Variants in NEXMIF observed in about 807,000 individuals in gnomAD.
The protein encoded by NEXMIF is neurite extension and migration factor.
NEXMIF carries 8 observed loss-of-function variants against 62.1 expected under a neutral mutation model. The ratio of observed to expected loss-of-function variants is 0.13; its 90% CI spans 0.08 to 0.23. The LOEUF is 0.23. NEXMIF is among the 10% of genes least tolerant of loss of function. The pLI is 1.00. For synonymous variants in NEXMIF, 404 were observed against 416.6 expected, an observed-to-expected ratio of 0.97 and a Z score of 0.37; for missense variants, 976 against 1,113.3, an observed-to-expected ratio of 0.88 and a Z score of 1.75.
chrX:74,922,733 G>A lies in NEXMIF; in HGVS notation c.-48+2150C>T, dbSNP rs1216587731. On this transcript the variant is annotated intron_variant, in intron 1 of 3. Coordinates refer to ENST00000055682, the MANE Select transcript of NEXMIF (RefSeq NM_001008537.3). ...GGAAAACTTTAAATATATGTACAAT[G>A]TATTTTTATGTCATGGTATTTTACA... Among the ~76,000 whole-genome samples, 3 of 111,129 alleles carry A rather than the reference G, an allele frequency of 2.7e-5. No homozygotes were observed. In the East Asian group the frequency reaches 8.5e-4, roughly 31 times the overall value.
At chrX:74,907,657 T>TGGACTTAG (rs2080773899) in intron 1 of NEXMIF, among the ~76,000 whole-genome samples, 1 of 111,299 alleles carries the variant, frequency 9.0e-6, no homozygotes, top group Non-Finnish European at 1.9e-5. Context: ...CCTAAGTCCA[T>TGGACTTAG]GAAGATGTTT....
intron 1 of NEXMIF, among the ~76,000 whole-genome samples, chrX:74,810,923 G>T (rs1297532940): frequency 1.8e-5 from 2 of 111,553 alleles, no homozygotes; most frequent in South Asian, 7.5e-4. Flanking sequence ...GAGGTCCAAG[G>T]ATTACTCATA....
chrX:74,795,468 G>T (rs2080303500), intron 1 of NEXMIF, among the ~76,000 whole-genome samples: 2 of 111,834 alleles, frequency 1.8e-5, no homozygotes, highest in African/African-American at 6.5e-5. Flanking sequence ...CCATTCATAT[G>T]ACACTCTGGA....
intron 1 of NEXMIF, among the ~76,000 whole-genome samples, chrX:74,798,845 G>C (rs913272362): frequency 3.4e-4 from 37 of 108,851 alleles, no homozygotes; most frequent in African/African-American, 1.1e-3. Flanking sequence ...CAGAGAGAAA[G>C]ATACATGGGA....
chrX:74,825,002 T>C (rs1178281109), intron 1 of NEXMIF, among the ~76,000 whole-genome samples: 2 of 111,284 alleles, frequency 1.8e-5, no homozygotes, highest in East Asian at 5.6e-4. Context: ...CTAATTTACA[T>C]TCCTATCAAC....
In NEXMIF at chrX:74,740,826, C is replaced by T. The variant is rs1047918079; in HGVS notation, c.3731G>A (p.Gly1244Glu). 8.3e-7 allele frequency: 1 copy of T among 1,210,693 alleles called. No individual in the cohort carries two copies. Among genetic ancestry groups the T allele is most frequent in the Non-Finnish European group, 1.1e-6 (1 of 895,340 alleles). Residue 1244 changes from glycine (G) to glutamate (E), a missense_variant, in exon 3 of 4, where the codon GGG becomes GAG. By Grantham distance (98) the Gly-to-Glu change is moderately conservative (BLOSUM62 -2). Transcript: ENST00000055682. Reference sequence around the variant, plus strand: ...GGATATGGTGTTGGTTTGGCTTCCCCCACGGCCAATGCCAATTTGCATTTT... The same window carrying T: ...GGATATGGTGTTGGTTTGGCTTCCCTCACGGCCAATGCCAATTTGCATTTT... ...GEKMQIGIGR[G>E]GSQTNTISST...
At chrX:74,805,977 A>C (rs985686079) in intron 1 of NEXMIF, among the ~76,000 whole-genome samples, 2 of 103,422 alleles carry the variant, frequency 1.9e-5, no homozygotes, top group African/African-American at 7.0e-5. Flanking sequence ...TTGGCTATTC[A>C]TTTTTTTTTT....
At position 74,760,810 on chromosome X, in the gene NEXMIF, C is replaced by A. The variant is rs139357943; in HGVS notation, c.-47-15113G>T. ...GCAAGTATTGTGTTGATGATTGATG[C>A]ATCAATGTTCATCAAGGTTATTGGC... is the stretch of plus-strand genomic sequence containing the variant. On this transcript the variant is annotated intron_variant, in intron 1 of 3. Transcript: ENST00000055682. Among the ~76,000 whole-genome samples the A allele has an allele frequency of 8.2e-3, 891 of 108,900 alleles. 9 individuals carry two copies. Among genetic ancestry groups the A allele is most frequent in the Non-Finnish European group, 0.014 (711 of 52,475 alleles). 94.6% of individuals were successfully genotyped at this position (108,900 alleles called of 115,157 possible).
chrX:74,876,203 T>C (rs1331921876), intron 1 of NEXMIF, among the ~76,000 whole-genome samples: 2 of 109,955 alleles, frequency 1.8e-5, no homozygotes, highest in Non-Finnish European at 3.8e-5. Context: ...TTTGTTCTCG[T>C]TGGTTTCAAA....
At chrX:74,878,307 CA>C (rs1286141064) in intron 1 of NEXMIF, among the ~76,000 whole-genome samples, 1 of 111,961 alleles carries the variant, frequency 8.9e-6, no homozygotes, top group Non-Finnish European at 1.9e-5. Context: ...GCTCAGGGGT[CA>C]GGGGTCAGGG....
intron 1 of NEXMIF, among the ~76,000 whole-genome samples, chrX:74,911,761 C>A (rs1168527611): frequency 8.9e-6 from 1 of 112,536 alleles, no homozygotes; most frequent in African/African-American, 3.2e-5. Flanking sequence ...CCTATTCAGC[C>A]AAGTGGATTT....
In NEXMIF at chrX:74,733,505, G is replaced by A. The variant is rs980903850; in HGVS notation, c.*5900C>T. Reference sequence around the variant, plus strand: ...AACACTGCTCTAGATGATAAAGAACGTTTTATTTGGGACATAGATTTAATT... The same window carrying A: ...AACACTGCTCTAGATGATAAAGAACATTTTATTTGGGACATAGATTTAATT... On this transcript the variant is annotated 3_prime_UTR_variant, in exon 4 of 4. Transcript: ENST00000055682. 3 of 111,904 alleles carry A rather than the reference G, an allele frequency of 2.7e-5. No homozygotes were observed. Among genetic ancestry groups the A allele is most frequent in the Admixed American group, 9.6e-5 (1 of 10,469 alleles). 9.2% of individuals were successfully genotyped at this position (111,904 alleles called of 1,213,427 possible).
intron 1 of NEXMIF, among the ~76,000 whole-genome samples, chrX:74,868,907 G>A (rs1448724543): frequency 4.5e-5 from 5 of 111,602 alleles, no homozygotes; most frequent in Admixed American, 3.8e-4. Flanking sequence ...AACATTTAAA[G>A]AAGAACTAAT....
At chrX:74,800,420 A>T (rs1289858262) in intron 1 of NEXMIF, among the ~76,000 whole-genome samples, 1 of 110,562 alleles carries the variant, frequency 9.0e-6, no homozygotes, top group Non-Finnish European at 1.9e-5. Context: ...TCCTATTTTT[A>T]TTTACTTTAA....
At chrX:74,765,176 A>G (rs1314427734) in intron 1 of NEXMIF, among the ~76,000 whole-genome samples, 1 of 111,473 alleles carries the variant, frequency 9.0e-6, no homozygotes, top group Non-Finnish European at 1.9e-5. Context: ...ACCATTATGT[A>G]ATGCCCTTTT....
At chrX:74,771,562 C>T (rs1226821553) in intron 1 of NEXMIF, among the ~76,000 whole-genome samples, 1 of 110,130 alleles carries the variant, frequency 9.1e-6, no homozygotes, top group African/African-American at 3.3e-5. Context: ...ATAATAATAG[C>T]TAATATTTAA....
Position 74,851,184 on chromosome X carries a change from G to T in NEXMIF, c.-48+73699C>A, listed in dbSNP as rs768949230. Among the ~76,000 whole-genome samples the T allele has an allele frequency of 5.8e-4, 64 of 110,577 alleles. 2 individuals are homozygous for T. The highest frequency in any genetic ancestry group is 1.9e-3 in the South Asian group (5 of 2,613). On this transcript the variant is annotated intron_variant, in intron 1 of 3. Coordinates refer to ENST00000055682, the MANE Select transcript of NEXMIF (RefSeq NM_001008537.3). ...CCCAGTCAGTCAAATTTTTTTTAAA[G>T]AAATAATTTTTAAAAATGAACAAAA...
At chrX:74,886,885 C>T (rs1303549463) in intron 1 of NEXMIF, among the ~76,000 whole-genome samples, 1 of 106,887 alleles carries the variant, frequency 9.4e-6, no homozygotes, top group Non-Finnish European at 1.9e-5. Flanking sequence ...CATCACGCTA[C>T]CTGACTTCAA....
At chrX:74,909,289 C>T (rs2147372894) in intron 1 of NEXMIF, among the ~76,000 whole-genome samples, 1 of 111,718 alleles carries the variant, frequency 9.0e-6, no homozygotes, top group Admixed American at 9.5e-5. Context: ...AAGGTCCAGG[C>T]TGAGGTGGTC....
Sources: allele counts gnomAD v4.1 joint callset (sites outside exome capture counted in the v4.1 genomes callset), GRCh38; gene constraint gnomAD v4.1.1; transcripts MANE v1.5; gene names NCBI Gene and HGNC (gene_info 2026-07-23, HGNC 2026-07-21).